The following MYO5A variants were observed in gnomAD, a reference collection of about 807,000 sequenced individuals.
MYO5A encodes the protein unconventional myosin-Va.
MYO5A carries 98 observed loss-of-function variants against 249.7 expected under a neutral mutation model. The ratio of observed to expected loss-of-function variants is 0.39; its 90% CI spans 0.33 to 0.46. The LOEUF (loss-of-function observed/expected upper bound fraction) is 0.46, where lower values mean the gene tolerates loss of function less well. Ranked by LOEUF, MYO5A falls within the 20% of genes least tolerant of loss-of-function variation. MYO5A has a pLI of 0.98. For synonymous variants in MYO5A, 778 were observed against 810.6 expected (o/e 0.96, Z 0.68); for missense variants, 1,696 against 2,308.8 (o/e 0.73, Z 5.44).
chr15:52,350,634 C>T (rs935823942), intron 28 of MYO5A, among the ~76,000 whole-genome samples: 1 of 152,114 alleles, frequency 6.6e-6, no homozygotes, highest in Non-Finnish European at 1.5e-5. Flanking sequence ...GACAGAAAGG[C>T]CCATCTCTCT....
Position 52,528,526 on chromosome 15 carries a change from A to G in MYO5A, c.27+254T>C, listed in dbSNP as rs2141686559. Among the ~76,000 whole-genome samples the G allele has an allele frequency of 2.6e-5, 4 of 152,292 alleles. No homozygotes were observed. The South Asian group carries it at 8.3e-4, about 32-fold the overall frequency. The stretch of plus-strand genomic sequence containing the variant: ...CCACTCCGAAGCCCGCTCTGCCCCC[A>G]GCTCGAGCAGCGCGGCAGGGGCCTG... On this transcript the variant is annotated intron_variant, in intron 1 of 41. Coordinates refer to ENST00000399233, the MANE Select transcript of MYO5A (RefSeq NM_001382347.1).
chr15:52,343,803 C>A (rs932149643), intron 30 of MYO5A, among the ~76,000 whole-genome samples: 8 of 152,150 alleles, frequency 5.3e-5, no homozygotes, highest in African/African-American at 1.9e-4. Context: ...CCTGGAAAAA[C>A]TGCTATATTA....
intron 6 of MYO5A, 91 bp downstream of exon 6, chr15:52,410,242 T>C: frequency 1.5e-6 from 2 of 1,365,784 alleles, no homozygotes. Flanking sequence ...TGCTCAAGAG[T>C]ATCTTGAAAT....
chr15:52,327,298 A>G (rs2038656502), intron 36 of MYO5A, among the ~76,000 whole-genome samples: 1 of 152,226 alleles, frequency 6.6e-6, no homozygotes, highest in South Asian at 2.1e-4. Context: ...TTACTGCACA[A>G]TTAAAATGCA....
chr15:52,507,804 C>CAA (rs57445300), intron 1 of MYO5A, among the ~76,000 whole-genome samples: 11 of 102,958 alleles, frequency 1.1e-4, no homozygotes, highest in Non-Finnish European at 1.3e-4. Flanking sequence ...ACCCTGTCCC[C>CAA]AAAAAAAAAA....
chr15:52,528,722 A>C (rs368285169), intron 1 of MYO5A, 58 bp downstream of exon 1: 1 of 1,481,056 alleles, frequency 6.8e-7, no homozygotes, highest in Non-Finnish European at 8.9e-7. Flanking sequence ...CCAGCCTGAC[A>C]GCTGGCGGCG....
Position 52,397,415 on chromosome 15 carries a change from C to T in MYO5A, c.1105G>A (p.Glu369Lys). 2 of 1,614,060 alleles carry T rather than the reference C, an allele frequency of 1.2e-6. No homozygotes were observed. The highest frequency in any genetic ancestry group is 2.2e-5 in the East Asian group (1 of 44,880). Residue 369 changes from glutamate (E) to lysine (K), a missense_variant, in exon 10 of 42, where the codon GAG becomes AAG. Glu to Lys is a moderately conservative substitution (Grantham distance 56). Coordinates refer to ENST00000399233, the MANE Select transcript of MYO5A (RefSeq NM_001382347.1). Reference protein sequence around the residue: ...IFCELMGVDYEEMCHWLCHRK... With the variant: ...IFCELMGVDYKEMCHWLCHRK... ...TGGCAGAGCCAGTGACACATCTCCT[C>T]ATAGTCCACACCCATGAGTTCACAG...
chr15:52,516,142 G>A (rs892521246), intron 1 of MYO5A, among the ~76,000 whole-genome samples: 1 of 152,158 alleles, frequency 6.6e-6, no homozygotes, highest in African/African-American at 2.4e-5. Flanking sequence ...CACAGAGAAA[G>A]TAGAATAGCA....
At chr15:52,342,052 CATG>C (rs750603791) in intron 31 of MYO5A, among the ~76,000 whole-genome samples, 4 of 152,146 alleles carry the variant, frequency 2.6e-5, no homozygotes, top group Non-Finnish European at 5.9e-5. Flanking sequence ...TTTTAGACAG[CATG>C]ATAATAATAT....
At chr15:52,523,020 A>G (rs1049337316) in intron 1 of MYO5A, among the ~76,000 whole-genome samples, 3 of 152,194 alleles carry the variant, frequency 2.0e-5, no homozygotes, top group Non-Finnish European at 4.4e-5. Context: ...TTGTCAAGCT[A>G]TGTAAAGAAG....
chr15:52,378,203 CA>C (rs1258055725), intron 18 of MYO5A, among the ~76,000 whole-genome samples: 2 of 152,000 alleles, frequency 1.3e-5, no homozygotes, highest in Non-Finnish European at 2.9e-5. Flanking sequence ...TTCTGCTCTA[CA>C]TTCCCACCTG....
intron 1 of MYO5A, among the ~76,000 whole-genome samples, chr15:52,455,871 G>A (rs1322760462): frequency 6.6e-6 from 1 of 151,624 alleles, no homozygotes; most frequent in Non-Finnish European, 1.5e-5. Flanking sequence ...CATTGAATGG[G>A]GACCATTTGA....
At chr15:52,522,359 G>T (rs932894268) in intron 1 of MYO5A, among the ~76,000 whole-genome samples, 3 of 152,160 alleles carry the variant, frequency 2.0e-5, no homozygotes, top group Non-Finnish European at 4.4e-5. Context: ...TAAAGTTGAT[G>T]AAAGATTGGG....
rs144362066 is a variant in MYO5A at position 52,338,356 on chromosome 15, G to T, written c.4240-472C>A. 5.6e-4 allele frequency among the ~76,000 whole-genome samples: 85 copies of T among 151,854 alleles called. No individual in the cohort carries two copies. In the East Asian group the frequency reaches 0.014, roughly 24 times the overall value. On this transcript the variant is annotated intron_variant, in intron 32 of 41. Transcript: ENST00000399233. ...GGTGGGAAGCTGTGCATCTTCCTTCGCTGAAAGACAGCACGGGGGAGGCCT... is the reference window on the plus strand; with the variant it reads ...GGTGGGAAGCTGTGCATCTTCCTTCTCTGAAAGACAGCACGGGGGAGGCCT...
intron 35 of MYO5A, among the ~76,000 whole-genome samples, chr15:52,328,487 A>T (rs899098948): frequency 2.2e-4 from 34 of 152,092 alleles, no homozygotes; most frequent in African/African-American, 8.2e-4. Context: ...CTATCTACAA[A>T]ATACATCCAA....
chr15:52,354,302 T>C (rs1191245476), intron 25 of MYO5A, among the ~76,000 whole-genome samples: 3 of 152,180 alleles, frequency 2.0e-5, no homozygotes, highest in Non-Finnish European at 2.9e-5. Flanking sequence ...GAAGTAAAAG[T>C]AGGCCTTTGA....
At chr15:52,392,178 C>A in intron 11 of MYO5A, 108 bp from the exon 12 acceptor site, 4 of 1,102,818 alleles carry the variant, frequency 3.6e-6, no homozygotes, top group Non-Finnish European at 5.3e-6. Context: ...TCAACAACAA[C>A]AACCTCACGG....
chr15:52,402,438 C>T (rs2042802868), intron 9 of MYO5A, among the ~76,000 whole-genome samples: 1 of 152,090 alleles, frequency 6.6e-6, no homozygotes, highest in African/African-American at 2.4e-5. Context: ...TGTGTCTTTG[C>T]CTTCTGTAGC....
intron 35 of MYO5A, chr15:52,329,225 G>A (rs2038752754): frequency 6.6e-6 from 1 of 152,086 alleles, no homozygotes; most frequent in African/African-American, 2.4e-5. Flanking sequence ...AAAAACCAGT[G>A]GCTCCTTAAC....
Sources: gnomAD v4.1 joint callset for allele counts (sites outside exome capture counted in the v4.1 genomes callset) on GRCh38, gnomAD v4.1.1 for gene constraint, MANE v1.5 for transcripts, NCBI Gene and HGNC (gene_info 2026-07-23, HGNC 2026-07-21) for gene names.